Variants in MAP7 observed in about 807,000 individuals in gnomAD.
The protein encoded by MAP7 is ensconsin.
In MAP7, 52 loss-of-function variants were observed where a neutral mutation model predicts 94.8. That is an observed-to-expected ratio of 0.55 (90% confidence interval 0.44 to 0.69). MAP7 has a LOEUF of 0.69. MAP7 is among the 30% of genes least tolerant of loss of function. The pLI is 0.00. For missense variants in MAP7, 940 were observed against 964.6 expected, an observed-to-expected ratio of 0.97 and a Z score of 0.34; for synonymous variants, 350 against 357.0, an observed-to-expected ratio of 0.98 and a Z score of 0.22.
At chr6:136,373,450 G>GTT (rs1324030210) in intron 7 of MAP7, among the ~76,000 whole-genome samples, 2 of 152,204 alleles carry the variant, frequency 1.3e-5, no homozygotes, top group East Asian at 3.8e-4. Flanking sequence ...AACCTTTACA[G>GTT]TTTTACTCAA....
intron 1 of MAP7, among the ~76,000 whole-genome samples, chr6:136,490,871 C>T (rs1056485372): frequency 4.6e-5 from 7 of 152,164 alleles, no homozygotes; most frequent in African/African-American, 1.7e-4. Flanking sequence ...CAGGCCCTTG[C>T]CTGTAGACTC....
Position 136,364,522 on chromosome 6 carries a change from T to A in MAP7, c.1273+1213A>T, listed in dbSNP as rs934340884. 3.9e-5 allele frequency: 10 copies of A among 256,780 alleles called. No individual in the cohort carries two copies. The East Asian group carries it at 8.7e-4, about 22-fold the overall frequency. 15.9% of individuals were successfully genotyped at this position (256,780 alleles called of 1,614,324 possible). On this transcript the variant is annotated intron_variant, in intron 10 of 17. Transcript: ENST00000354570. ...CTCTTAAAAAAAATTCTTTGAAAAC[T>A]CTCTCTTCAAAAGTTGGAGACTATG... is the stretch of plus-strand genomic sequence containing the variant.
At chr6:136,374,282 A>G (rs1199235345) in intron 7 of MAP7, among the ~76,000 whole-genome samples, 1 of 152,216 alleles carries the variant, frequency 6.6e-6, no homozygotes, top group Non-Finnish European at 1.5e-5. Context: ...GGATCACAGG[A>G]AAAACTCTTT....
Position 136,546,766 on chromosome 6 carries a change from T to A in MAP7, c.67+3576A>T, listed in dbSNP as rs1168366498. On this transcript the variant is annotated intron_variant, in intron 1 of 17. Transcript: ENST00000354570. ...AGCCTCAATATTTTCAATTCTTACA[T>A]CAATACGAGGCCCGAGTTTTTAAAA... Among the ~76,000 whole-genome samples, 5 of 152,330 alleles carry A rather than the reference T, an allele frequency of 3.3e-5. No individual in the cohort carries two copies. In the East Asian group the frequency reaches 9.6e-4, roughly 29 times the overall value.
intron 1 of MAP7, among the ~76,000 whole-genome samples, chr6:136,498,177 A>G (rs1818846874): frequency 6.6e-6 from 1 of 152,104 alleles, no homozygotes; most frequent in African/African-American, 2.4e-5. Context: ...GTGGACCCCA[A>G]AAGTTTTAGG....
intron 1 of MAP7, among the ~76,000 whole-genome samples, chr6:136,446,032 A>T (rs1437335093): frequency 6.6e-6 from 1 of 152,204 alleles, no homozygotes; most frequent in African/African-American, 2.4e-5. Context: ...CCTGCTATAA[A>T]TTGGGGTTCC....
At chr6:136,547,640 T>C (rs1217562942) in intron 1 of MAP7, among the ~76,000 whole-genome samples, 24 of 152,202 alleles carry the variant, frequency 1.6e-4, no homozygotes, top group Non-Finnish European at 2.9e-5. Context: ...GAAGAACTTT[T>C]CATCCTCAAG....
intron 15 of MAP7, among the ~76,000 whole-genome samples, chr6:136,359,053 T>C (rs984811533): frequency 1.3e-5 from 2 of 152,198 alleles, no homozygotes; most frequent in African/African-American, 4.8e-5. Flanking sequence ...GTAGGAATTA[T>C]GTATGAAAGA....
At chr6:136,347,608 G>A (rs960496682) in intron 16 of MAP7, among the ~76,000 whole-genome samples, 3 of 152,028 alleles carry the variant, frequency 2.0e-5, no homozygotes, top group African/African-American at 7.2e-5. Flanking sequence ...GTTTCTTCGT[G>A]TTGGCCAGGA....
intron 3 of MAP7, among the ~76,000 whole-genome samples, chr6:136,403,468 T>C (rs1784741580): frequency 6.6e-6 from 1 of 152,190 alleles, no homozygotes; most frequent in Admixed American, 6.5e-5. Context: ...ATTCAAACTC[T>C]GGATTGTCTG....
chr6:136,506,943 C>T (rs1375699671), intron 1 of MAP7, among the ~76,000 whole-genome samples: 1 of 152,170 alleles, frequency 6.6e-6, no homozygotes, highest in African/African-American at 2.4e-5. Context: ...TGTAACCAAT[C>T]GCACTGTTTC....
At chr6:136,440,096 C>A (rs1240313594) in intron 1 of MAP7, among the ~76,000 whole-genome samples, 2 of 152,162 alleles carry the variant, frequency 1.3e-5, no homozygotes, top group African/African-American at 4.8e-5. Context: ...TGGGTGAGTT[C>A]ACCCACAACA....
chr6:136,467,058 A>G (rs1807376237), intron 1 of MAP7, among the ~76,000 whole-genome samples: 1 of 152,178 alleles, frequency 6.6e-6, no homozygotes, highest in Non-Finnish European at 1.5e-5. Flanking sequence ...GTGAAGCTCA[A>G]ATGGCTATGG....
intron 17 of MAP7, 95 bp downstream of exon 17, chr6:136,345,761 G>A: frequency 2.0e-6 from 2 of 1,015,262 alleles, no homozygotes; most frequent in East Asian, 2.4e-5. Flanking sequence ...AGAACAAAGT[G>A]TTACCACAAT....
At chr6:136,487,020 G>A (rs1317205459) in intron 1 of MAP7, among the ~76,000 whole-genome samples, 2 of 152,154 alleles carry the variant, frequency 1.3e-5, no homozygotes, top group Non-Finnish European at 1.5e-5. Flanking sequence ...AACATCACCA[G>A]TAATCAAATA....
At chr6:136,445,261 A>G (rs914355467) in intron 1 of MAP7, among the ~76,000 whole-genome samples, 10 of 152,098 alleles carry the variant, frequency 6.6e-5, no homozygotes, top group African/African-American at 2.4e-4. Flanking sequence ...AACCCTTATC[A>G]CCAGAGATTG....
chr6:136,428,808 A>C (rs905382403), intron 1 of MAP7, among the ~76,000 whole-genome samples: 2 of 152,086 alleles, frequency 1.3e-5, no homozygotes, highest in Non-Finnish European at 2.9e-5. Flanking sequence ...ATAATTTTCC[A>C]CTTGACCAGA....
chr6:136,398,225 C>T (rs539863864), intron 3 of MAP7, among the ~76,000 whole-genome samples: 1 of 152,326 alleles, frequency 6.6e-6, no homozygotes, highest in Non-Finnish European at 1.5e-5. Flanking sequence ...GGCCCACCCC[C>T]AGTCTTGCCA....
intron 3 of MAP7, among the ~76,000 whole-genome samples, chr6:136,404,228 T>G (rs1158703227): frequency 1.3e-5 from 2 of 152,178 alleles, no homozygotes; most frequent in Admixed American, 6.5e-5. Flanking sequence ...ATTTTTGGGA[T>G]GAACATTCTA....
Sources: allele counts gnomAD v4.1 joint callset (sites outside exome capture counted in the v4.1 genomes callset), GRCh38; gene constraint gnomAD v4.1.1; transcripts MANE v1.5; gene names NCBI Gene and HGNC (gene_info 2026-07-23, HGNC 2026-07-21).